Variants in MED31 observed in about 807,000 individuals in gnomAD.
MED31 encodes the protein mediator complex subunit 31, also known as mediator of RNA polymerase II transcription subunit 31.
Under a neutral mutation model 22.0 loss-of-function variants are expected in MED31, and 11 were observed. The observed-to-expected ratio is 0.50, with a 90% CI of 0.31 to 0.83. MED31 has a LOEUF of 0.83. Among genes scored for constraint, MED31 ranks in the 40% least tolerant of loss-of-function variants. MED31 has a pLI of 0.04. For synonymous variants in MED31, 60 were observed against 55.1 expected (o/e 1.09, Z -0.40); for missense variants, 122 against 155.3 (o/e 0.79, Z 1.14).
In MED31 at chr17:6,644,512, T is replaced by G; in HGVS notation, c.351A>C (p.Gln117His). Residue 117 changes from glutamine to histidine, a missense_variant, in exon 4 of 4, where the codon CAA (glutamine) becomes CAC (histidine). Gln to His is a conservative substitution (Grantham distance 24). Transcript: ENST00000225728. The stretch of plus-strand genomic sequence containing the variant: ...TTTGCTGTTGCTGCTCTGCCAAGGC[T>G]TGCTGAAGGCGCATCCGCTTCCGGG... ...HYSRKRMRLQ[Q>H]ALAEQQQQNN... 6.2e-7 allele frequency: 1 copy of G among 1,610,050 alleles called. No homozygotes were observed. The highest frequency in any genetic ancestry group is 8.5e-7 in the Non-Finnish European group (1 of 1,179,020).
At chr17:6,649,096 TGA>T (rs1452021349) in intron 3 of MED31, among the ~76,000 whole-genome samples, 1 of 150,880 alleles carries the variant, frequency 6.6e-6, no homozygotes, top group Non-Finnish European at 1.5e-5. Flanking sequence ...AAAGTGACTT[TGA>T]GAGAAGTTTG....
At chr17:6,646,524 C>G (rs1405726002) in intron 3 of MED31, among the ~76,000 whole-genome samples, 1 of 152,146 alleles carries the variant, frequency 6.6e-6, no homozygotes, top group East Asian at 1.9e-4. Context: ...TCTGTGCCCC[C>G]AGAAACATGT....
chr17:6,650,210 C>A, intron 2 of MED31, 132 bp from the exon 3 acceptor site: 1 of 1,225,762 alleles, frequency 8.2e-7, no homozygotes, highest in Admixed American at 2.2e-5. Context: ...AACACAAGTC[C>A]CAGTACGCAA....
At chr17:6,647,545 G>A (rs986268851) in intron 3 of MED31, among the ~76,000 whole-genome samples, 1 of 152,236 alleles carries the variant, frequency 6.6e-6, no homozygotes, top group African/African-American at 2.4e-5. Flanking sequence ...GCTCCCAAAT[G>A]AAACCAATGC....
intron 3 of MED31, among the ~76,000 whole-genome samples, chr17:6,648,487 G>A (rs1212368659): frequency 6.6e-6 from 1 of 152,166 alleles, no homozygotes; most frequent in African/African-American, 2.4e-5. Flanking sequence ...TGTTGACTTG[G>A]GAGAATTAAG....
Position 6,644,196 on chromosome 17 carries a change from A to G in MED31, c.*271T>C. 2.1e-6 allele frequency: 1 copy of G among 475,904 alleles called. No homozygotes were observed. The highest frequency in any genetic ancestry group is 3.6e-6 in the Non-Finnish European group (1 of 275,010). The allele number at this position is 475,904 out of a possible 1,614,324, so 29.5% of individuals were successfully genotyped here. ...TGCCCCAGTGCCTTATTTGGTCTAA[A>G]GCACCTAACTTTTCCATTCTTAATC... On this transcript the variant is annotated 3_prime_UTR_variant, in exon 4 of 4. Transcript: ENST00000225728.
chr17:6,650,431 C>T lies in MED31; in HGVS notation c.31G>A (p.Asp11Asn), dbSNP rs753894294. The T allele has an allele frequency of 1.5e-5, 25 of 1,613,938 alleles. No homozygotes were observed. The highest frequency in any genetic ancestry group is 2.0e-5 in the Non-Finnish European group (24 of 1,180,000). ...TGAAACCGAAGTCGATTTCCAGCAT[C>T]ATCTAGGAGACAAGACAGCAAAAAT... Reference protein sequence around the residue: MAAAVAMETDDAGNRLRFQLE... With the variant: MAAAVAMETDNAGNRLRFQLE... The change falls in exon 2 of 4, where the codon GAT (aspartate) becomes AAT (asparagine). Residue 11 changes from aspartate (D) to asparagine (N), a missense_variant and splice_region_variant. By Grantham distance (23) the Asp-to-Asn change is conservative. Coordinates refer to ENST00000225728, the MANE Select transcript of MED31 (RefSeq NM_016060.3).
chr17:6,647,442 T>C (rs1262510358), intron 3 of MED31, among the ~76,000 whole-genome samples: 1 of 152,236 alleles, frequency 6.6e-6, no homozygotes, highest in Non-Finnish European at 1.5e-5. Context: ...ACAGCAATGC[T>C]TCTAAAACTT....
intron 1 of MED31, among the ~76,000 whole-genome samples, chr17:6,650,903 G>A (rs559913791): frequency 6.9e-4 from 105 of 151,862 alleles, no homozygotes; most frequent in Admixed American, 1.9e-3. Flanking sequence ...AGAAGCACCA[G>A]GGTCAGGAGA....
chr17:6,650,515 A>G lies in MED31; in HGVS notation c.29-82T>C, dbSNP rs543402999. On this transcript the variant is annotated intron_variant, in intron 1 of 3. Transcript: ENST00000225728. ...ATTTGTAGTAAGGAAAGAGCAATAAAGAAACCTGACTAATGTTGAGATGGT... is the reference window on the plus strand; with the variant it reads ...ATTTGTAGTAAGGAAAGAGCAATAAGGAAACCTGACTAATGTTGAGATGGT... 8.8e-4 allele frequency: 1,143 copies of G among 1,301,010 alleles called. 2 individuals are homozygous for G. Among genetic ancestry groups the G allele is most frequent in the Middle Eastern group, 5.4e-3 (29 of 5,338 alleles). The allele number at this position is 1,301,010 out of a possible 1,614,324, so 80.6% of individuals were successfully genotyped here.
Position 6,651,565 on chromosome 17 carries a change from G to C in MED31, c.-37C>G. 1.2e-6 allele frequency: 2 copies of C among 1,613,772 alleles called. No homozygotes were observed. The highest frequency in any genetic ancestry group is 1.7e-6 in the Non-Finnish European group (2 of 1,179,830). ...ACACCAAAACGCCACCAGCCTGACA[G>C]AGCAAAAGCCCAGAGACGCGGGCGA... is the stretch of plus-strand genomic sequence containing the variant. On this transcript the variant is annotated 5_prime_UTR_variant, in exon 1 of 4. Transcript: ENST00000225728.
intron 3 of MED31, among the ~76,000 whole-genome samples, chr17:6,648,349 T>C (rs1418330843): frequency 6.6e-6 from 1 of 152,052 alleles, no homozygotes; most frequent in Non-Finnish European, 1.5e-5. Flanking sequence ...TTGAGAAAAA[T>C]AGATGGAAGA....
intron 3 of MED31, among the ~76,000 whole-genome samples, chr17:6,646,319 A>G (rs897272621): frequency 6.6e-6 from 1 of 152,222 alleles, no homozygotes; most frequent in African/African-American, 2.4e-5. Flanking sequence ...TGTAAGTGAA[A>G]TTATTTCAAG....
chr17:6,651,401 A>G (rs1972833613), intron 1 of MED31, 100 bp downstream of exon 1: 1 of 1,462,828 alleles, frequency 6.8e-7, no homozygotes, highest in Non-Finnish European at 9.4e-7. Flanking sequence ...TCCAAATATT[A>G]ACCCTGCCAA....
intron 3 of MED31, among the ~76,000 whole-genome samples, chr17:6,647,542 A>G (rs1208112764): frequency 1.3e-5 from 2 of 152,216 alleles, no homozygotes; most frequent in African/African-American, 4.8e-5. Flanking sequence ...AAAGCTCCCA[A>G]ATGAAACCAA....
In MED31 at chr17:6,650,345, T is replaced by C; in HGVS notation, c.106+11A>G. On this transcript the variant is annotated intron_variant, in intron 2 of 3. Transcript: ENST00000225728. ...TAGCTACTCAATTTAATGAGGTGCT[T>C]AACAACTTACAATTAAGGTAATTTG... is the stretch of plus-strand genomic sequence containing the variant. 1 of 1,612,380 alleles carries C rather than the reference T, an allele frequency of 6.2e-7. No homozygotes were observed. The highest frequency in any genetic ancestry group is 8.5e-7 in the Non-Finnish European group (1 of 1,178,976).
intron 1 of MED31, among the ~76,000 whole-genome samples, chr17:6,650,712 T>C (rs1386917426): frequency 6.6e-6 from 1 of 152,178 alleles, no homozygotes; most frequent in Non-Finnish European, 1.5e-5. Flanking sequence ...TATGTAGGAA[T>C]TTTAACAGTG....
chr17:6,646,792 C>CTT (rs1972773166), intron 3 of MED31, among the ~76,000 whole-genome samples: 2 of 152,278 alleles, frequency 1.3e-5, no homozygotes, highest in Admixed American at 1.3e-4. Context: ...AGCCCGACAC[C>CTT]TGTAAAGGGT....
intron 3 of MED31, 92 bp from the exon 4 acceptor site, chr17:6,644,751 G>C: frequency 7.3e-7 from 1 of 1,376,628 alleles, no homozygotes; most frequent in Non-Finnish European, 9.5e-7. Flanking sequence ...CGATCTTGTA[G>C]CCTACCATTT....
Sources: gnomAD v4.1 joint callset for allele counts (sites outside exome capture counted in the v4.1 genomes callset) on GRCh38, gnomAD v4.1.1 for gene constraint, MANE v1.5 for transcripts, NCBI Gene and HGNC (gene_info 2026-07-23, HGNC 2026-07-21) for gene names.